C1orf21: variants seen among roughly 807,000 people sequenced by gnomAD.
The protein encoded by C1orf21 is chromosome 1 open reading frame 21, also known as uncharacterized protein C1orf21.
C1orf21 carries 3 observed loss-of-function variants against 18.7 expected under a neutral mutation model. The observed-to-expected ratio is 0.16, with a 90% confidence interval of 0.07 to 0.42. The LOEUF (loss-of-function observed/expected upper bound fraction) is 0.42, where lower values mean the gene tolerates loss of function less well. Among genes scored for constraint, C1orf21 ranks in the 10% least tolerant of loss-of-function variants. The probability of loss-of-function intolerance (pLI) is 0.99; values close to 1 mark genes in which losing one functional copy is unlikely to be tolerated. For synonymous variants in C1orf21, 41 were observed against 46.4 expected (o/e 0.88, Z 0.47); for missense variants, 104 against 143.6 (o/e 0.72, Z 1.41).
chr1:184,597,067 G>A (rs2102001858), intron 4 of C1orf21, among the ~76,000 whole-genome samples: 1 of 152,238 alleles, frequency 6.6e-6, no homozygotes, highest in East Asian at 1.9e-4. Flanking sequence ...TTTCTGCCCA[G>A]GATCCTACAG....
chr1:184,485,747 G>C (rs1657723488), intron 2 of C1orf21, among the ~76,000 whole-genome samples: 1 of 152,148 alleles, frequency 6.6e-6, no homozygotes. Flanking sequence ...GCTCCTCTCT[G>C]TGCTGCTTAG....
chr1:184,595,136 G>A (rs1360763259), intron 4 of C1orf21, among the ~76,000 whole-genome samples: 5 of 152,184 alleles, frequency 3.3e-5, no homozygotes, highest in Non-Finnish European at 7.3e-5. Flanking sequence ...TTTTAGTTAC[G>A]AGAGAGAAAT....
At position 184,458,587 on chromosome 1, in the gene C1orf21, C is replaced by CTATAATTTGA. The variant is rs1489932346; in HGVS notation, c.-124-18799_-124-18798insTATAATTTGA. ...GTTTCAACTCTACTATAATTTGAAACAGCTCCAAAAGTATTTCAACTTAAC... is the reference window on the plus strand; with the variant it reads ...GTTTCAACTCTACTATAATTTGAAACTATAATTTGAAGCTCCAAAAGTATTTCAACTTAAC... On this transcript the variant is annotated intron_variant, in intron 1 of 5. Transcript: ENST00000235307. Among the ~76,000 whole-genome samples, 36 of 152,288 alleles carry CTATAATTTGA rather than the reference C, an allele frequency of 2.4e-4. No individual in the cohort carries two copies. In the East Asian group the frequency reaches 6.4e-3, roughly 27 times the overall value.
intron 3 of C1orf21, among the ~76,000 whole-genome samples, chr1:184,516,957 C>T (rs1181791368): frequency 6.6e-6 from 1 of 152,206 alleles, no homozygotes; most frequent in Non-Finnish European, 1.5e-5. Context: ...GGAAGTGGCC[C>T]TGATCCGCAG....
At chr1:184,597,806 A>C (rs1448027247) in intron 4 of C1orf21, among the ~76,000 whole-genome samples, 1 of 152,212 alleles carries the variant, frequency 6.6e-6, no homozygotes, top group East Asian at 1.9e-4. Flanking sequence ...AACACAGAGC[A>C]AGTGCTGCTC....
At chr1:184,544,826 G>A (rs1017187064) in intron 3 of C1orf21, among the ~76,000 whole-genome samples, 8 of 152,176 alleles carry the variant, frequency 5.3e-5, no homozygotes, top group African/African-American at 1.9e-4. Flanking sequence ...CTCAAGTGGG[G>A]CAGGGGAATT....
At chr1:184,572,265 A>T (rs1362168599) in intron 3 of C1orf21, among the ~76,000 whole-genome samples, 1 of 152,250 alleles carries the variant, frequency 6.6e-6, no homozygotes, top group Non-Finnish European at 1.5e-5. Flanking sequence ...GTAAGGAACA[A>T]ATTAAGCATG....
chr1:184,399,086 A>G (rs1306980818), intron 1 of C1orf21, among the ~76,000 whole-genome samples: 2 of 152,108 alleles, frequency 1.3e-5, no homozygotes, highest in South Asian at 2.1e-4. Flanking sequence ...GATCCAAACA[A>G]TTTCCACACC....
intron 3 of C1orf21, among the ~76,000 whole-genome samples, chr1:184,517,847 G>T (rs1003159193): frequency 2.0e-5 from 3 of 152,126 alleles, no homozygotes; most frequent in African/African-American, 7.2e-5. Context: ...AAGATCTCAT[G>T]GTTCTAACTC....
At chr1:184,430,785 A>C (rs1337153204) in intron 1 of C1orf21, among the ~76,000 whole-genome samples, 1 of 152,172 alleles carries the variant, frequency 6.6e-6, no homozygotes, top group Non-Finnish European at 1.5e-5. Flanking sequence ...CTCTGGTTCC[A>C]TATTAAATTT....
rs938261012 is a variant in C1orf21 at position 184,594,075 on chromosome 1, C to A, written c.266+3260C>A. ...CTATGGGTGGTTGTCAAGGTCCTCACTTTTGTTTTTTATTTTGGTTTCACA... is the reference window on the plus strand; with the variant it reads ...CTATGGGTGGTTGTCAAGGTCCTCAATTTTGTTTTTTATTTTGGTTTCACA... On this transcript the variant is annotated intron_variant, in intron 4 of 5. Transcript: ENST00000235307. Among the ~76,000 whole-genome samples the A allele has an allele frequency of 2.0e-4, 31 of 152,242 alleles. 1 individual carries two copies. Among genetic ancestry groups the A allele is most frequent in the African/African-American group, 7.0e-4 (29 of 41,534 alleles).
chr1:184,457,896 GGATAGA>G (rs1657245524), intron 1 of C1orf21, among the ~76,000 whole-genome samples: 1 of 152,142 alleles, frequency 6.6e-6, no homozygotes, highest in Admixed American at 6.5e-5. Flanking sequence ...TTATTTATAA[GGATAGA>G]TATCTTCAAT....
At chr1:184,419,074 T>C (rs945502848) in intron 1 of C1orf21, among the ~76,000 whole-genome samples, 5 of 151,906 alleles carry the variant, frequency 3.3e-5, no homozygotes, top group African/African-American at 9.7e-5. Flanking sequence ...GTTGAAGAGG[T>C]GAATTAGTTT....
At chr1:184,416,836 C>T (rs61823506) in intron 1 of C1orf21, among the ~76,000 whole-genome samples, 23,990 of 152,124 alleles carry the variant, frequency 0.16, 1,964 homozygotes, top group African/African-American at 0.2. Flanking sequence ...TGTTTTTCAT[C>T]GTGTTACTGG....
chr1:184,577,088 G>A (rs1378136662), intron 3 of C1orf21, among the ~76,000 whole-genome samples: 1 of 151,694 alleles, frequency 6.6e-6, no homozygotes, highest in Non-Finnish European at 1.5e-5. Flanking sequence ...CAAATCCACG[G>A]AACCTATAAA....
intron 1 of C1orf21, among the ~76,000 whole-genome samples, chr1:184,400,451 A>G (rs1210342835): frequency 1.3e-5 from 2 of 152,122 alleles, no homozygotes; most frequent in African/African-American, 2.4e-5. Flanking sequence ...GCATGTTTAC[A>G]TATTGTTTCC....
chr1:184,463,626 A>G (rs114433742), intron 1 of C1orf21, among the ~76,000 whole-genome samples: 1,846 of 152,326 alleles, frequency 0.012, 45 homozygotes, highest in African/African-American at 0.043. Flanking sequence ...CAAAACCATG[A>G]CTTGCCTTAA....
chr1:184,392,840 T>C, intron 1 of C1orf21, among the ~76,000 whole-genome samples: 1 of 144,898 alleles, frequency 6.9e-6, no homozygotes, highest in African/African-American at 2.5e-5. Context: ...TTTTTTTTTT[T>C]TTTCTTGAGA....
At chr1:184,468,011 T>TGTGTGTGA (rs4011656) in intron 1 of C1orf21, among the ~76,000 whole-genome samples, 74 of 137,642 alleles carry the variant, frequency 5.4e-4, no homozygotes, top group African/African-American at 1.9e-3. Context: ...TGTGTGTGTG[T>TGTGTGTGA]GAGAGAGAGA....
Sources: allele counts gnomAD v4.1 joint callset (sites outside exome capture counted in the v4.1 genomes callset), GRCh38; gene constraint gnomAD v4.1.1; transcripts MANE v1.5; gene names NCBI Gene and HGNC (gene_info 2026-07-23, HGNC 2026-07-21).